RASEF: variants seen among roughly 807,000 people sequenced by gnomAD.
RASEF encodes the protein ras and EF-hand domain-containing protein.
In RASEF, 68 loss-of-function variants were observed where a neutral mutation model predicts 90.1. That is an observed-to-expected ratio of 0.75 (90% confidence interval 0.62 to 0.92). The LOEUF (loss-of-function observed/expected upper bound fraction) is 0.92, where lower values mean the gene tolerates loss of function less well. Ranked by LOEUF, RASEF falls within the 40% of genes least tolerant of loss-of-function variation. RASEF has a pLI of 0.00. For missense variants in RASEF, 949 were observed against 937.2 expected (o/e 1.01, Z -0.16); for synonymous variants, 331 against 345.2 (o/e 0.96, Z 0.46).
At chr9:83,013,997 T>C (rs1318870860) in intron 4 of RASEF, among the ~76,000 whole-genome samples, 2 of 152,242 alleles carry the variant, frequency 1.3e-5, no homozygotes, top group Non-Finnish European at 2.9e-5. Flanking sequence ...GCTTTCTTAC[T>C]GTTCAGACCA....
At chr9:83,101,909 C>T in the RASEF span, among the ~76,000 whole-genome samples, 1,977 of 152,268 alleles carry the variant, frequency 0.013, 57 homozygotes, top group African/African-American at 0.045. Context: ...CTATAGCTCA[C>T]GCCTGAGGGA....
chr9:82,993,656 T>G (rs1828855911), intron 14 of RASEF, among the ~76,000 whole-genome samples: 1 of 152,234 alleles, frequency 6.6e-6, no homozygotes, highest in African/African-American at 2.4e-5. Flanking sequence ...AACATTTTTC[T>G]AAGAAAGAGT....
intron 1 of RASEF, among the ~76,000 whole-genome samples, chr9:83,045,044 A>G (rs1435403709): frequency 6.6e-6 from 1 of 152,238 alleles, no homozygotes; most frequent in East Asian, 1.9e-4. Context: ...TGGACTTACC[A>G]GCCTCCACAG....
chr9:83,094,284 C>A, the RASEF span, among the ~76,000 whole-genome samples: 1 of 151,036 alleles, frequency 6.6e-6, no homozygotes, highest in Admixed American at 6.6e-5. Context: ...ATATGAAATA[C>A]CCACAACATT....
rs907043220 is a variant in RASEF, at chr9:82,981,084, T to A, written c.*1593A>T. On this transcript the variant is annotated 3_prime_UTR_variant, in exon 17 of 17. Coordinates refer to ENST00000376447, the MANE Select transcript of RASEF (RefSeq NM_152573.4). ...CAGAAAAAAGATTGCTACATGGAAT[T>A]GTTTCGATTCAACAAAAATAAATGT... 2.6e-5 allele frequency: 4 copies of A among 152,230 alleles called. No homozygotes were observed. Among genetic ancestry groups the A allele is most frequent in the Non-Finnish European group, 5.9e-5 (4 of 68,044 alleles). 9.4% of individuals were successfully genotyped at this position (152,230 alleles called of 1,614,324 possible). A position where few individuals can be genotyped will look rare whatever the true frequency, so the allele number is the denominator to read the frequency against.
upstream of RASEF, among the ~76,000 whole-genome samples, chr9:83,064,851 G>C (rs927261247): frequency 1.3e-5 from 2 of 152,124 alleles, no homozygotes; most frequent in Non-Finnish European, 2.9e-5. Flanking sequence ...TGGATCACTT[G>C]AAGTCAGGAG....
chr9:83,155,189 A>G, the RASEF span, among the ~76,000 whole-genome samples: 1 of 152,222 alleles, frequency 6.6e-6, no homozygotes, highest in Non-Finnish European at 1.5e-5. Context: ...TCAATTCCCA[A>G]GTCAGGTTAC....
intron 1 of RASEF, 125 bp downstream of exon 1, chr9:83,062,312 G>A (rs1830218490): frequency 6.6e-6 from 6 of 902,728 alleles, no homozygotes; most frequent in Non-Finnish European, 1.0e-5. Flanking sequence ...GTAGGTGAAG[G>A]AAGACAAGCA....
intron 3 of RASEF, among the ~76,000 whole-genome samples, chr9:83,016,766 G>C (rs928036486): frequency 9.2e-5 from 14 of 152,118 alleles, no homozygotes; most frequent in African/African-American, 3.4e-4. Flanking sequence ...TAGAGAGTAA[G>C]GTAGGGCCTC....
the RASEF span, among the ~76,000 whole-genome samples, chr9:83,160,855 G>C: frequency 6.6e-6 from 1 of 152,168 alleles, no homozygotes; most frequent in Non-Finnish European, 1.5e-5. Flanking sequence ...GCTGTGACTC[G>C]AAGGGGCCCA....
chr9:83,217,340 G>A, the RASEF span, among the ~76,000 whole-genome samples: 1 of 152,164 alleles, frequency 6.6e-6, no homozygotes, highest in African/African-American at 2.4e-5. Context: ...TTGGGAGACT[G>A]TTGGGAAGGC....
At position 83,062,343 on chromosome 9, in the gene RASEF, G is replaced by A. The variant is rs571650211; in HGVS notation, c.431+94C>T. On this transcript the variant is annotated intron_variant, in intron 1 of 16. Coordinates refer to ENST00000376447, the MANE Select transcript of RASEF (RefSeq NM_152573.4). ...AAGCAACTCACAGAGAAGACTAGGG[G>A]GGGGGGCCATTGGGTCTGCACACCT... 1.1e-4 allele frequency: 130 copies of A among 1,197,296 alleles called. No individual in the cohort carries two copies. The Admixed American group carries it at 1.9e-3, about 18-fold the overall frequency. The allele number at this position is 1,197,296 out of a possible 1,614,324, so 74.2% of individuals were successfully genotyped here. A position where few individuals can be genotyped will look rare whatever the true frequency, so the allele number is the denominator to read the frequency against.
At chr9:83,140,401 T>C in the RASEF span, among the ~76,000 whole-genome samples, 1 of 152,186 alleles carries the variant, frequency 6.6e-6, no homozygotes, top group Admixed American at 6.5e-5. Flanking sequence ...GGCTCATAGA[T>C]AGAAAACTAG....
the RASEF span, among the ~76,000 whole-genome samples, chr9:83,120,876 A>G: frequency 6.6e-6 from 1 of 152,184 alleles, no homozygotes; most frequent in Non-Finnish European, 1.5e-5. Flanking sequence ...CTTGATACAT[A>G]TCAACCACCA....
Position 82,982,729 on chromosome 9 carries a change from G to A in RASEF, c.2171C>T (p.Thr724Ile). The A allele has an allele frequency of 6.2e-7, 1 of 1,611,600 alleles. No individual in the cohort carries two copies. Among genetic ancestry groups the A allele is most frequent in the Non-Finnish European group, 8.5e-7 (1 of 1,177,842 alleles). Residue 724 changes from threonine (T) to isoleucine (I), a missense_variant, in exon 17 of 17, where the codon ACC (threonine) becomes ATC (isoleucine). Physicochemically the swap from Thr to Ile is moderately conservative, Grantham distance 89. Transcript: ENST00000376447. Reference protein sequence around the residue: ...KDDSRSITNLTGTNSKKSPQM... With the variant: ...KDDSRSITNLIGTNSKKSPQM... ...TGGTGACTTTTTGGAATTGGTCCCGGTTAGATTGGTAATGGATCTGCTGTC... is the reference window on the plus strand; with the variant it reads ...TGGTGACTTTTTGGAATTGGTCCCGATTAGATTGGTAATGGATCTGCTGTC...
At chr9:83,181,332 G>T in the RASEF span, among the ~76,000 whole-genome samples, 2 of 152,014 alleles carry the variant, frequency 1.3e-5, no homozygotes, top group South Asian at 4.1e-4. Context: ...CAGTATCATG[G>T]GTAGAGTTAC....
At chr9:83,012,990 G>C (rs951756435) in intron 4 of RASEF, among the ~76,000 whole-genome samples, 3 of 152,156 alleles carry the variant, frequency 2.0e-5, no homozygotes, top group African/African-American at 7.2e-5. Context: ...TTTAAGAAAT[G>C]CTTATTAAAT....
chr9:83,144,363 G>GA, the RASEF span, among the ~76,000 whole-genome samples: 1 of 44,562 alleles, frequency 2.2e-5, no homozygotes, highest in Admixed American at 2.4e-4. Flanking sequence ...AAGAAAGAAA[G>GA]AAAGAAAGAA....
the RASEF span, among the ~76,000 whole-genome samples, chr9:83,088,372 G>GGGTAGATA: frequency 6.8e-6 from 1 of 147,478 alleles, no homozygotes; most frequent in Non-Finnish European, 1.5e-5. Context: ...ATAGATAGAT[G>GGGTAGATA]GATAGATAGA....
Sources: allele counts gnomAD v4.1 joint callset (sites outside exome capture counted in the v4.1 genomes callset), GRCh38; gene constraint gnomAD v4.1.1; transcripts MANE v1.5; gene names NCBI Gene and HGNC (gene_info 2026-07-23, HGNC 2026-07-21).